Variants in MACF1 observed in about 807,000 individuals in gnomAD.
The protein encoded by MACF1 is microtubule-actin cross-linking factor 1.
Under a neutral mutation model 854.8 loss-of-function variants are expected in MACF1, and 193 were observed. That is an observed-to-expected ratio of 0.23 (90% confidence interval 0.20 to 0.25). The LOEUF is 0.25. MACF1 is among the 10% of genes least tolerant of loss of function. The probability of loss-of-function intolerance (pLI) is 1.00; values close to 1 mark genes in which losing one functional copy is unlikely to be tolerated. For synonymous variants in MACF1, 3,185 were observed against 3,226.7 expected (o/e 0.99, Z 0.44); for missense variants, 7,722 against 8,929.1 (o/e 0.86, Z 5.45).
chr1:39,293,342 C>A, intron 17 of MACF1, 116 bp from the exon 18 acceptor site: 2 of 981,416 alleles, frequency 2.0e-6, no homozygotes, highest in Non-Finnish European at 3.0e-6. Flanking sequence ...GGGGAAAAAT[C>A]CAGAGATTAA....
intron 2 of MACF1, among the ~76,000 whole-genome samples, chr1:39,130,286 G>T (rs546262284): frequency 6.6e-6 from 1 of 152,278 alleles, no homozygotes; most frequent in South Asian, 2.1e-4. Context: ...AAAACATTAG[G>T]CTAGATGCCT....
chr1:39,480,030 T>C, intron 98 of MACF1, 21 bp downstream of exon 98: 1 of 1,606,920 alleles, frequency 6.2e-7, no homozygotes, highest in East Asian at 2.2e-5. Flanking sequence ...ATCTCCATTA[T>C]GCCCTTCTTC....
chr1:39,114,068 A>AT (rs369707680), intron 2 of MACF1, among the ~76,000 whole-genome samples: 157 of 148,834 alleles, frequency 1.1e-3, no homozygotes, highest in African/African-American at 3.5e-3. Flanking sequence ...TGCTCACTCC[A>AT]TTTTTTCCCA....
rs747707661 is a variant in MACF1, at chr1:39,335,876, G to A, written c.9288G>A (p.Gly3096=). The part of the protein sequence containing the change: ...EENLSREIAC[G]AQSEPFPCMT... The stretch of plus-strand genomic sequence containing the variant: ...ACTTATCTCGAGAAATTGCCTGTGG[G>A]GCCCAGAGTGAACCATTCCCTTGTA... Residue 3096 remains glycine (G), a synonymous_variant, in exon 37 of 101, where the codon GGG becomes GGA. Transcript: ENST00000564288. 1 of 1,614,006 alleles carries A rather than the reference G, an allele frequency of 6.2e-7. No individual in the cohort carries two copies. The highest frequency in any genetic ancestry group is 8.5e-7 in the Non-Finnish European group (1 of 1,179,998).
chr1:39,138,312 G>A (rs937223915), intron 2 of MACF1, among the ~76,000 whole-genome samples: 10 of 152,018 alleles, frequency 6.6e-5, no homozygotes, highest in East Asian at 5.8e-4. Context: ...GGCTGGACGC[G>A]GTGGCTCACG....
intron 96 of MACF1, 93 bp downstream of exon 96, chr1:39,468,825 C>T: frequency 8.4e-7 from 1 of 1,184,906 alleles, no homozygotes; most frequent in Non-Finnish European, 1.2e-6. Context: ...TGGGGTCTGT[C>T]TGTTTTTTAT....
chr1:39,484,799 T>C, intron 100 of MACF1, 69 bp downstream of exon 100: 2 of 1,585,550 alleles, frequency 1.3e-6, no homozygotes, highest in Non-Finnish European at 1.7e-6. Context: ...GTGGAATGTT[T>C]CACTGCTCCC....
intron 2 of MACF1, among the ~76,000 whole-genome samples, chr1:39,163,651 T>C (rs532857223): frequency 6.6e-6 from 1 of 152,280 alleles, no homozygotes; most frequent in South Asian, 2.1e-4. Context: ...TCAGATCATG[T>C]TTCTCATTAT....
In MACF1 at chr1:39,334,512, T is replaced by A; in HGVS notation, c.7924T>A (p.Ser2642Thr). The A allele has an allele frequency of 1.2e-6, 2 of 1,614,114 alleles. No homozygotes were observed. The highest frequency in any genetic ancestry group is 1.7e-6 in the Non-Finnish European group (2 of 1,179,984). ...CAAGAAATGTAAGATTGATATTGAA[T>A]CTGGACAGAGATATCTAGAAGTAAT... ...LVKKCKIDIE[S>T]GQRYLEVIPF... The change falls in exon 37 of 101, where the codon TCT becomes ACT. Residue 2642 changes from serine (S) to threonine (T), a missense_variant. Physicochemically the swap from Ser to Thr is moderately conservative, Grantham distance 58. Transcript: ENST00000564288.
intron 43 of MACF1, among the ~76,000 whole-genome samples, chr1:39,351,909 G>A (rs1490470246): frequency 6.6e-6 from 1 of 152,068 alleles, no homozygotes; most frequent in Non-Finnish European, 1.5e-5. Context: ...TTTAATATGA[G>A]TCTAGACTGG....
chr1:39,445,057 C>T (rs1016618145), intron 80 of MACF1, among the ~76,000 whole-genome samples: 1 of 152,156 alleles, frequency 6.6e-6, no homozygotes, highest in Non-Finnish European at 1.5e-5. Context: ...CTGCCATTAT[C>T]GCTTCGTGAT....
chr1:39,288,041 G>T (rs181362455), intron 15 of MACF1, among the ~76,000 whole-genome samples: 26 of 151,764 alleles, frequency 1.7e-4, no homozygotes, highest in Admixed American at 3.3e-4. Flanking sequence ...AATTTTTTGT[G>T]GGTACATAGA....
Position 39,361,375 on chromosome 1 carries a change from A to T in MACF1, c.12469A>T (p.Ile4157Phe). ...TTCATGACAGAAATTGAAGCAGGAC[A>T]TTGCTCGGCAAAAGAGCAGCTTGGA... ...LATNMKLKQD[I>F]ARQKSSLEAT... The change falls in exon 49 of 101, where the codon ATT (isoleucine) becomes TTT (phenylalanine). Residue 4157 changes from isoleucine (I) to phenylalanine (F), a missense_variant. By Grantham distance (21) the Ile-to-Phe change is conservative. This residue lies in a region of MACF1 where 2,807 missense variants were observed against 3,235.8 expected (regional missense o/e 0.87). Coordinates refer to ENST00000564288, the MANE Select transcript of MACF1 (RefSeq NM_001394062.1). 6.2e-7 allele frequency: 1 copy of T among 1,613,296 alleles called. No homozygotes were observed. The highest frequency in any genetic ancestry group is 1.1e-5 in the South Asian group (1 of 91,088).
At chr1:39,251,804 C>A in intron 3 of MACF1, 42 bp from the exon 4 acceptor site, 1 of 1,128,054 alleles carries the variant, frequency 8.9e-7, no homozygotes, top group Non-Finnish European at 1.2e-6. Flanking sequence ...TTGTGAATTT[C>A]TTGTTCCTCT....
At position 39,425,222 on chromosome 1, in the gene MACF1, A is replaced by C. The variant is rs142376125; in HGVS notation, c.16316+1028A>C. Among the ~76,000 whole-genome samples the C allele has an allele frequency of 1.6e-4, 24 of 152,038 alleles. No homozygotes were observed. In the East Asian group the frequency reaches 4.4e-3, roughly 28 times the overall value. On this transcript the variant is annotated intron_variant, in intron 61 of 100. Transcript: ENST00000564288. ...CTAAATTCTGTCTATTTTACTTTAC[A>C]GTGTCTTTCCTGTCCATCTGTTTCT...
At chr1:39,186,988 T>A (rs1022850096) in intron 2 of MACF1, among the ~76,000 whole-genome samples, 375 of 136,332 alleles carry the variant, frequency 2.8e-3, no homozygotes, top group Non-Finnish European at 4.6e-3. Flanking sequence ...GATTCTTGAT[T>A]TTTTTTTTTT....
At chr1:39,463,836 G>A in intron 94 of MACF1, 150 bp downstream of exon 94, 2 of 624,862 alleles carry the variant, frequency 3.2e-6, no homozygotes, top group East Asian at 2.9e-5. Flanking sequence ...CCAAGTGTCA[G>A]GTACCCTGTT....
chr1:39,304,333 T>G (rs1646122746), intron 23 of MACF1: 3 of 750,264 alleles, frequency 4.0e-6, no homozygotes, highest in Middle Eastern at 2.4e-4. Flanking sequence ...CGTCTCTAAA[T>G]AGGAAATAAT....
At chr1:39,303,669 C>T (rs564611011) in intron 23 of MACF1, among the ~76,000 whole-genome samples, 10 of 146,870 alleles carry the variant, frequency 6.8e-5, no homozygotes, top group African/African-American at 1.5e-4. Flanking sequence ...CTGGCCAACA[C>T]GGTGAAACTC....
Sources: gnomAD v4.1 joint callset for allele counts (sites outside exome capture counted in the v4.1 genomes callset) on GRCh38, gnomAD v4.1.1 for gene constraint, gnomAD v4.1.1 regional missense constraint, MANE v1.5 for transcripts, NCBI Gene and HGNC (gene_info 2026-07-23, HGNC 2026-07-21) for gene names.